The following SLCO1A2 variants were observed in gnomAD, a reference collection of about 807,000 sequenced individuals.
The protein encoded by SLCO1A2 is OATP-1.
Under a neutral mutation model 69.0 loss-of-function variants are expected in SLCO1A2, and 67 were observed. That is an observed-to-expected ratio of 0.97 (90% CI 0.80 to 1.19). The LOEUF is 1.19. Among genes scored for constraint, SLCO1A2 ranks in the 50% most tolerant of loss-of-function variants. SLCO1A2 has a pLI of 0.00. For synonymous variants in SLCO1A2, 260 were observed against 265.9 expected, an observed-to-expected ratio of 0.98 and a Z score of 0.22; for missense variants, 787 against 793.7, an observed-to-expected ratio of 0.99 and a Z score of 0.10.
At position 21,313,604 on chromosome 12, in the gene SLCO1A2, C is replaced by T. The variant is rs538483025; in HGVS notation, c.335+945G>A. 5.3e-5 allele frequency among the ~76,000 whole-genome samples: 8 copies of T among 152,148 alleles called. No homozygotes were observed. The South Asian group carries it at 6.2e-4, about 12-fold the overall frequency. ...GCATGCACCTATAATCCCAGCTACT[C>T]GGGAGGCTGAGGCAGGAGAATCACT... On this transcript the variant is annotated intron_variant, in intron 4 of 14. Coordinates refer to ENST00000683939, the MANE Select transcript of SLCO1A2 (RefSeq NM_001386879.1).
chr12:21,312,354 C>T (rs1950334596), intron 4 of SLCO1A2, among the ~76,000 whole-genome samples: 1 of 152,202 alleles, frequency 6.6e-6, no homozygotes, highest in South Asian at 2.1e-4. Flanking sequence ...GAGAGTCTTG[C>T]TCTTCTGGCT....
intron 2 of SLCO1A2, among the ~76,000 whole-genome samples, chr12:21,352,712 G>T (rs910570891): frequency 1.3e-5 from 2 of 152,178 alleles, no homozygotes; most frequent in South Asian, 2.1e-4. Context: ...AGCATAATGC[G>T]AGAAATATCT....
intron 1 of SLCO1A2, among the ~76,000 whole-genome samples, chr12:21,416,412 C>T (rs1231988998): frequency 4.6e-5 from 7 of 151,852 alleles, no homozygotes; most frequent in African/African-American, 1.7e-4. Flanking sequence ...CTCGCTCTCC[C>T]AAATAACTCC....
At chr12:21,328,854 A>G (rs1387819457) in intron 2 of SLCO1A2, among the ~76,000 whole-genome samples, 2 of 152,186 alleles carry the variant, frequency 1.3e-5, no homozygotes, top group Non-Finnish European at 2.9e-5. Flanking sequence ...AGGGCACTGA[A>G]CTGGATACTA....
At chr12:21,332,648 G>T (rs7968331) in intron 2 of SLCO1A2, among the ~76,000 whole-genome samples, 55,012 of 151,946 alleles carry the variant, frequency 0.36, 10,533 homozygotes, top group African/African-American at 0.49. Flanking sequence ...AATTTTATTT[G>T]TGGCTTAGAG....
At chr12:21,396,894 A>G (rs1941485540), upstream of SLCO1A2, among the ~76,000 whole-genome samples, 8 of 152,342 alleles carry the variant, frequency 5.3e-5, no homozygotes, top group South Asian at 1.7e-3. Flanking sequence ...GAAAGGAACG[A>G]CTGGTACCAG....
chr12:21,280,876 G>A (rs1944673226), intron 12 of SLCO1A2, among the ~76,000 whole-genome samples: 1 of 151,928 alleles, frequency 6.6e-6, no homozygotes, highest in Non-Finnish European at 1.5e-5. Context: ...AAAAAAAATT[G>A]AAATAATATC....
At chr12:21,380,642 C>T (rs1940526371) in intron 1 of SLCO1A2, among the ~76,000 whole-genome samples, 1 of 152,146 alleles carries the variant, frequency 6.6e-6, no homozygotes, top group Non-Finnish European at 1.5e-5. Context: ...TCTGGTTTCT[C>T]ACAACTACTT....
intron 2 of SLCO1A2, among the ~76,000 whole-genome samples, chr12:21,350,835 CAAAAAAAAAAAAA>C (rs11454466): frequency 3.4e-4 from 14 of 40,732 alleles, no homozygotes; most frequent in South Asian, 1.6e-3. Context: ...GACTCTGTCT[CAAAAAAAAAAAAA>C]AAAAAAAAAA....
At chr12:21,380,411 G>C (rs1227817570) in intron 1 of SLCO1A2, among the ~76,000 whole-genome samples, 1 of 152,160 alleles carries the variant, frequency 6.6e-6, no homozygotes, top group African/African-American at 2.4e-5. Flanking sequence ...TTAAAACATA[G>C]TTAGAGTGAC....
At chr12:21,411,366 A>G (rs1941904189) in intron 1 of SLCO1A2, among the ~76,000 whole-genome samples, 1 of 152,164 alleles carries the variant, frequency 6.6e-6, no homozygotes, top group African/African-American at 2.4e-5. Context: ...TCCAGCTCCA[A>G]TCTCTTTTCC....
chr12:21,362,695 A>G (rs1201537481), intron 2 of SLCO1A2, among the ~76,000 whole-genome samples: 1 of 152,180 alleles, frequency 6.6e-6, no homozygotes, highest in African/African-American at 2.4e-5. Context: ...AAATAAAGGG[A>G]TGGAGGAAGA....
chr12:21,329,535 T>C (rs1021606535), intron 2 of SLCO1A2, among the ~76,000 whole-genome samples: 1 of 151,850 alleles, frequency 6.6e-6, no homozygotes, highest in African/African-American at 2.4e-5. Context: ...CATCTCCTTA[T>C]GCATTTAGAG....
chr12:21,365,885 A>C (rs1275516496), intron 2 of SLCO1A2, among the ~76,000 whole-genome samples: 3 of 152,200 alleles, frequency 2.0e-5, no homozygotes, highest in African/African-American at 7.2e-5. Context: ...CAATCATTAA[A>C]AAGTCAGGAA....
intron 1 of SLCO1A2, among the ~76,000 whole-genome samples, chr12:21,378,067 G>A (rs1940334231): frequency 6.6e-6 from 1 of 151,984 alleles, no homozygotes; most frequent in Non-Finnish European, 1.5e-5. Context: ...TTATTTCAAG[G>A]TGTCAAAAAA....
chr12:21,368,893 T>C (rs1939585931), intron 2 of SLCO1A2, among the ~76,000 whole-genome samples: 1 of 152,148 alleles, frequency 6.6e-6, no homozygotes, highest in Non-Finnish European at 1.5e-5. Flanking sequence ...CTTCTTCTAA[T>C]ATGGGATATC....
intron 1 of SLCO1A2, among the ~76,000 whole-genome samples, chr12:21,386,398 T>C (rs1331463580): frequency 6.6e-6 from 1 of 152,142 alleles, no homozygotes; most frequent in Non-Finnish European, 1.5e-5. Context: ...TCATCTTGAA[T>C]TGTCACTCCC....
chr12:21,289,965 T>C (rs66777941), intron 12 of SLCO1A2, among the ~76,000 whole-genome samples: 25,502 of 152,064 alleles, frequency 0.17, 2,669 homozygotes, highest in African/African-American at 0.29. Flanking sequence ...CATCTGGCTA[T>C]CAGAAGTGTT....
rs187611567 is a variant in SLCO1A2 at position 21,373,750 on chromosome 12, T to C, written c.-63+649A>G. On this transcript the variant is annotated intron_variant, in intron 2 of 15. Coordinates refer to the SLCO1A2 transcript ENST00000307378. ...AATCAAAAGGTAGTAATTTCTTCTA[T>C]ATTAACCTGATACTGAAACAAACCA... The C allele has an allele frequency of 5.1e-3, 3,540 of 696,168 alleles. 18 individuals carry two copies. Among genetic ancestry groups the C allele is most frequent in the Non-Finnish European group, 6.1e-3 (2,320 of 382,748 alleles). 43.1% of individuals were successfully genotyped at this position (696,168 alleles called of 1,614,324 possible).
Sources: allele counts gnomAD v4.1 joint callset (sites outside exome capture counted in the v4.1 genomes callset), GRCh38; gene constraint gnomAD v4.1.1; transcripts MANE v1.5; gene names NCBI Gene and HGNC (gene_info 2026-07-23, HGNC 2026-07-21).